Variants in TLL1 observed in about 807,000 individuals in gnomAD.
TLL1 encodes tolloid like 1.
A neutral mutation model predicts 128.2 loss-of-function variants in TLL1; 49 were observed. The observed-to-expected ratio is 0.38, with a 90% CI of 0.30 to 0.48. The LOEUF (loss-of-function observed/expected upper bound fraction) is 0.48. Ranked by LOEUF, TLL1 falls within the 20% of genes least tolerant of loss-of-function variation. The pLI is 0.96. For missense variants in TLL1, 1,123 were observed against 1,242.0 expected (o/e 0.90, Z 1.44); for synonymous variants, 454 against 418.8 (o/e 1.08, Z -1.03).
chr4:166,091,409 T>C, intron 19 of TLL1, 68 bp downstream of exon 19: 1 of 1,382,084 alleles, frequency 7.2e-7, no homozygotes, highest in Non-Finnish European at 1.0e-6. Context: ...GTGAATTTGG[T>C]TCAATAATAG....
intron 8 of TLL1, among the ~76,000 whole-genome samples, chr4:166,021,283 A>G (rs1420750938): frequency 6.6e-6 from 1 of 151,860 alleles, no homozygotes; most frequent in Non-Finnish European, 1.5e-5. Flanking sequence ...TTATTCATCT[A>G]CCCAGCAGAT....
chr4:166,056,997 A>T (rs528665545), intron 13 of TLL1, among the ~76,000 whole-genome samples, 187 bp from the exon 14 acceptor site: 1 of 152,234 alleles, frequency 6.6e-6, no homozygotes, highest in African/African-American at 2.4e-5. Context: ...TATATATATA[A>T]GAATAGCATG....
At chr4:166,029,146 A>G (rs1020702433) in intron 9 of TLL1, among the ~76,000 whole-genome samples, 1 of 151,630 alleles carries the variant, frequency 6.6e-6, no homozygotes, top group African/African-American at 2.4e-5. Flanking sequence ...TTGCCTTCTT[A>G]TGCATTGAAT....
intron 1 of TLL1, among the ~76,000 whole-genome samples, chr4:165,884,448 C>A (rs781502381): frequency 1.3e-4 from 20 of 152,124 alleles, no homozygotes; most frequent in Non-Finnish European, 2.6e-4. Context: ...TGGCAGTGGA[C>A]TAGTACAAGT....
At chr4:166,012,825 T>G (rs890187668) in intron 7 of TLL1, among the ~76,000 whole-genome samples, 27 of 151,838 alleles carry the variant, frequency 1.8e-4, no homozygotes, top group Non-Finnish European at 3.5e-4. Flanking sequence ...CTGTAGATGT[T>G]TAGATCTTGT....
chr4:165,885,594 A>T (rs1363231991), intron 1 of TLL1, among the ~76,000 whole-genome samples: 1 of 152,216 alleles, frequency 6.6e-6, no homozygotes. Flanking sequence ...AAACAAACAA[A>T]CAAACAAAAA....
intron 17 of TLL1, 134 bp from the exon 18 acceptor site, chr4:166,077,769 C>T: frequency 2.6e-6 from 3 of 1,174,574 alleles, no homozygotes; most frequent in Admixed American, 3.8e-5. Context: ...AATATAATAA[C>T]CGACACGGGA....
chr4:165,907,111 A>G (rs181117613), intron 1 of TLL1, among the ~76,000 whole-genome samples: 1 of 152,330 alleles, frequency 6.6e-6, no homozygotes, highest in East Asian at 1.9e-4. Context: ...TGGTCTCAAA[A>G]AAGTTTAAAA....
intron 1 of TLL1, among the ~76,000 whole-genome samples, chr4:165,933,563 AT>A (rs1381722291): frequency 6.6e-6 from 1 of 152,116 alleles, no homozygotes; most frequent in African/African-American, 2.4e-5. Flanking sequence ...ATCCTTGGAA[AT>A]TTTATCCAGC....
intron 5 of TLL1, among the ~76,000 whole-genome samples, chr4:166,002,349 T>C (rs1218631993): frequency 5.3e-5 from 8 of 152,178 alleles, no homozygotes. Context: ...ATGTGAATTT[T>C]GGGGGGATAT....
At chr4:165,954,466 G>T (rs138670014) in intron 1 of TLL1, among the ~76,000 whole-genome samples, 62 of 152,198 alleles carry the variant, frequency 4.1e-4, no homozygotes, top group African/African-American at 1.4e-3. Flanking sequence ...AGCATTAGGA[G>T]TGTGAGAGCG....
Position 166,097,622 on chromosome 4 carries a change from G to A in TLL1, c.2657-1655G>A, listed in dbSNP as rs117933561. On this transcript the variant is annotated intron_variant, in intron 19 of 20. Coordinates refer to ENST00000061240, the MANE Select transcript of TLL1 (RefSeq NM_012464.5). ...CATATGTGAAAGGGGTTCCATACCC[G>A]TAATTCAGAAATATTTTGTTATTTA... Among the ~76,000 whole-genome samples, 126 of 152,204 alleles carry A rather than the reference G, an allele frequency of 8.3e-4. No individual in the cohort carries two copies. The East Asian group carries it at 0.018, about 22-fold the overall frequency.
chr4:165,946,112 G>A (rs1012562823), intron 1 of TLL1, among the ~76,000 whole-genome samples: 1 of 152,034 alleles, frequency 6.6e-6, no homozygotes, highest in African/African-American at 2.4e-5. Flanking sequence ...GAGTGGTTCC[G>A]AGATGACAGC....
intron 1 of TLL1, among the ~76,000 whole-genome samples, chr4:165,966,579 G>T (rs1024369246): frequency 1.3e-5 from 2 of 152,100 alleles, no homozygotes; most frequent in Non-Finnish European, 2.9e-5. Context: ...AGTGTCGGCT[G>T]GTCTGAGAAA....
At chr4:166,021,961 G>A (rs554026641) in intron 8 of TLL1, among the ~76,000 whole-genome samples, 35 of 152,252 alleles carry the variant, frequency 2.3e-4, no homozygotes, top group African/African-American at 8.4e-4. Flanking sequence ...GCTTGGCTAT[G>A]CAGTTATAAC....
At chr4:165,963,932 A>C (rs1322285054) in intron 1 of TLL1, among the ~76,000 whole-genome samples, 1 of 152,152 alleles carries the variant, frequency 6.6e-6, no homozygotes, top group Non-Finnish European at 1.5e-5. Context: ...CTGAAATAAC[A>C]TGTGTTAAAC....
chr4:165,987,227 A>G (rs964200283), intron 1 of TLL1, among the ~76,000 whole-genome samples: 2 of 152,142 alleles, frequency 1.3e-5, no homozygotes, highest in African/African-American at 4.8e-5. Context: ...AGCTATTTGC[A>G]TTGTAAATGC....
chr4:165,933,087 C>A (rs1733602164), intron 1 of TLL1, among the ~76,000 whole-genome samples: 1 of 152,144 alleles, frequency 6.6e-6, no homozygotes, highest in African/African-American at 2.4e-5. Flanking sequence ...AATACTCTAG[C>A]CTATCACATG....
chr4:165,909,518 C>T (rs1037934297), intron 1 of TLL1, among the ~76,000 whole-genome samples: 7 of 152,194 alleles, frequency 4.6e-5, no homozygotes, highest in East Asian at 1.9e-4. Flanking sequence ...GACATTTCAG[C>T]GTTTTGAGTT....
Sources: allele counts gnomAD v4.1 joint callset (sites outside exome capture counted in the v4.1 genomes callset), GRCh38; gene constraint gnomAD v4.1.1; transcripts MANE v1.5; gene names NCBI Gene and HGNC (gene_info 2026-07-23, HGNC 2026-07-21).